Variants in LRRC7 observed in about 807,000 individuals in gnomAD.
LRRC7 encodes the protein leucine rich repeat containing 7.
A neutral mutation model predicts 175.7 loss-of-function variants in LRRC7; 23 were observed. The ratio of observed to expected loss-of-function variants is 0.13; its 90% CI spans 0.09 to 0.19. LRRC7 has a LOEUF of 0.19. Ranked by LOEUF, LRRC7 falls within the 10% of genes least tolerant of loss-of-function variation. The pLI is 1.00. For missense variants in LRRC7, 1,354 were observed against 1,904.7 expected, an observed-to-expected ratio of 0.71 and a Z score of 5.38; for synonymous variants, 685 against 680.9, an observed-to-expected ratio of 1.01 and a Z score of -0.09.
chr1:70,074,789 C>T (rs895939299), intron 23 of LRRC7, among the ~76,000 whole-genome samples: 1 of 151,994 alleles, frequency 6.6e-6, no homozygotes, highest in African/African-American at 2.4e-5. Context: ...GTTTGGAATC[C>T]AGCAATATAT....
At chr1:69,624,092 G>A (rs1191856623) in intron 1 of LRRC7, among the ~76,000 whole-genome samples, 1 of 152,066 alleles carries the variant, frequency 6.6e-6, no homozygotes, top group South Asian at 2.1e-4. Context: ...TCAACTCCAG[G>A]AGATGACGCC....
At chr1:69,962,909 A>G (rs559473693) in intron 8 of LRRC7, among the ~76,000 whole-genome samples, 26 of 152,220 alleles carry the variant, frequency 1.7e-4, no homozygotes, top group Admixed American at 1.0e-3. Context: ...AATAATCTGT[A>G]CAACAAGTGC....
intron 1 of LRRC7, among the ~76,000 whole-genome samples, chr1:69,577,153 C>T (rs1645986876): frequency 6.6e-6 from 1 of 152,160 alleles, no homozygotes; most frequent in East Asian, 1.9e-4. Flanking sequence ...AGATGATGTG[C>T]TTTTGTACTT....
intron 1 of LRRC7, among the ~76,000 whole-genome samples, chr1:69,597,843 T>C (rs983871479): frequency 6.6e-6 from 1 of 152,172 alleles, no homozygotes; most frequent in African/African-American, 2.4e-5. Context: ...TGCAATACCA[T>C]GCAGCAATAT....
chr1:69,879,608 T>A (rs1686395454), intron 7 of LRRC7: 1 of 152,662 alleles, frequency 6.6e-6, no homozygotes, highest in Admixed American at 6.5e-5. Context: ...GGGTGGCACA[T>A]GCCTGTAGTC....
intron 25 of LRRC7, among the ~76,000 whole-genome samples, chr1:70,095,080 T>C (rs935553975): frequency 6.6e-6 from 1 of 152,196 alleles, no homozygotes; most frequent in African/African-American, 2.4e-5. Flanking sequence ...TAAATTCATT[T>C]TGTAAGTAAT....
chr1:69,910,641 G>A (rs554084877), intron 7 of LRRC7, among the ~76,000 whole-genome samples: 6 of 152,270 alleles, frequency 3.9e-5, no homozygotes, highest in Non-Finnish European at 7.4e-5. Context: ...TAGGCTGCTC[G>A]GGGGTCAAGG....
chr1:70,127,953 T>G lies in LRRC7; in HGVS notation c.*6066T>G, dbSNP rs1432921160. Among the ~76,000 whole-genome samples, 1 of 152,116 alleles carries G rather than the reference T, an allele frequency of 6.6e-6. No homozygotes were observed. Among genetic ancestry groups the G allele is most frequent in the African/African-American group, 2.4e-5 (1 of 41,424 alleles). On this transcript the variant is annotated 3_prime_UTR_variant, in exon 27 of 27. Transcript: ENST00000651989. ...TTTGAAAAAAAGACTTTTATGTGAC[T>G]TTTTCTTTTCTTTCTTTTTTTTTCT...
At position 69,800,366 on chromosome 1, in the gene LRRC7, A is replaced by G. The variant is rs532938776; in HGVS notation, c.421+8206A>G. Reference sequence around the variant, plus strand: ...CATTTCAACAATATTAATTCTTCCAATCCAAGGGAGTGGAATGTTTTCCCA... The same window carrying G: ...CATTTCAACAATATTAATTCTTCCAGTCCAAGGGAGTGGAATGTTTTCCCA... On this transcript the variant is annotated intron_variant, in intron 4 of 26. Transcript: ENST00000651989. Among the ~76,000 whole-genome samples, 3 of 152,044 alleles carry G rather than the reference A, an allele frequency of 2.0e-5. No individual in the cohort carries two copies. The East Asian group carries it at 5.8e-4, about 29-fold the overall frequency.
intron 25 of LRRC7, among the ~76,000 whole-genome samples, chr1:70,094,969 G>A (rs555791748): frequency 1.3e-5 from 2 of 152,064 alleles, no homozygotes; most frequent in South Asian, 4.1e-4. Flanking sequence ...ACTCCATATA[G>A]CATAAGATGT....
chr1:69,879,234 AAAG>A (rs1211205704), intron 7 of LRRC7, among the ~76,000 whole-genome samples: 70 of 142,938 alleles, frequency 4.9e-4, no homozygotes, highest in African/African-American at 1.7e-3. Flanking sequence ...AAAAAAAAAA[AAAG>A]ACTGCGCACT....
intron 7 of LRRC7, among the ~76,000 whole-genome samples, chr1:69,890,194 T>G (rs1645791941): frequency 6.6e-6 from 1 of 152,244 alleles, no homozygotes; most frequent in Non-Finnish European, 1.5e-5. Context: ...AATCACTATC[T>G]GGCTCTACAA....
chr1:69,819,575 C>CTGTGTGTG lies in LRRC7; in HGVS notation c.422-6172_422-6171insGTGTGTGT, dbSNP rs1343426681. On this transcript the variant is annotated intron_variant, in intron 4 of 26. Transcript: ENST00000651989. Reference sequence around the variant, plus strand: ...GAATGCTCTCTCTCTCTCTCTCTCTCTCTGTGTGTGTGTGTGTGTGTGTGT... The same window carrying CTGTGTGTG: ...GAATGCTCTCTCTCTCTCTCTCTCTCTGTGTGTGTCTGTGTGTGTGTGTGTGTGTGTGT... 3.3e-3 allele frequency among the ~76,000 whole-genome samples: 434 copies of CTGTGTGTG among 133,234 alleles called. 3 individuals are homozygous for CTGTGTGTG. The highest frequency in any genetic ancestry group is 0.012 in the African/African-American group (392 of 32,012). 87.4% of individuals were successfully genotyped at this position (133,234 alleles called of 152,430 possible).
At chr1:69,899,388 A>T (rs1557865470) in intron 7 of LRRC7, among the ~76,000 whole-genome samples, 1 of 152,224 alleles carries the variant, frequency 6.6e-6, no homozygotes, top group Non-Finnish European at 1.5e-5. Context: ...GCCTCCTAAC[A>T]AGACTCCTGA....
rs556474988 is a variant in LRRC7 at position 69,760,845 on chromosome 1, A to G, written c.303+452A>G. Reference sequence around the variant, plus strand: ...ACACATTAATGCTATTATGAAAAACATGTTTTTGTACCTGTATGTAAAATA... The same window carrying G: ...ACACATTAATGCTATTATGAAAAACGTGTTTTTGTACCTGTATGTAAAATA... On this transcript the variant is annotated intron_variant, in intron 3 of 26. Coordinates refer to ENST00000651989, the MANE Select transcript of LRRC7 (RefSeq NM_001370785.2). Among the ~76,000 whole-genome samples the G allele has an allele frequency of 1.9e-3, 292 of 152,190 alleles. 1 individual carries two copies. The highest frequency in any genetic ancestry group is 3.0e-3 in the Non-Finnish European group (206 of 67,980).
At chr1:69,949,907 T>G (rs1223204702) in intron 8 of LRRC7, among the ~76,000 whole-genome samples, 3 of 152,178 alleles carry the variant, frequency 2.0e-5, no homozygotes, top group Non-Finnish European at 4.4e-5. Context: ...TCACAGGCGA[T>G]TGACACTGAT....
Position 69,717,792 on chromosome 1 carries a change from A to G in LRRC7, c.100+39314A>G, listed in dbSNP as rs1046808121. Among the ~76,000 whole-genome samples the G allele has an allele frequency of 3.3e-4, 10 of 29,958 alleles. 1 individual carries two copies. The South Asian group carries it at 4.6e-3, about 14-fold the overall frequency. The allele number at this position is 29,958 out of a possible 152,430, so 19.7% of individuals were successfully genotyped here. A position where few individuals can be genotyped will look rare whatever the true frequency, so the allele number is the denominator to read the frequency against. ...AAAAAAAGAAAGAAAGAAAGAAAGA[A>G]AGAAAGAAAGAAAGAAAGAAAGAAA... On this transcript the variant is annotated intron_variant, in intron 2 of 26. Transcript: ENST00000651989.
intron 1 of LRRC7, among the ~76,000 whole-genome samples, chr1:69,662,961 A>G (rs1443413129): frequency 6.6e-6 from 1 of 152,178 alleles, no homozygotes; most frequent in Non-Finnish European, 1.5e-5. Flanking sequence ...AAATAAGGAA[A>G]TCTAGAATTC....
At chr1:69,774,856 G>C (rs1013119005) in intron 3 of LRRC7, among the ~76,000 whole-genome samples, 1 of 150,794 alleles carries the variant, frequency 6.6e-6, no homozygotes, top group Non-Finnish European at 1.5e-5. Context: ...ATAAATACAC[G>C]ATCTCTACAA....
Sources: gnomAD v4.1 joint callset for allele counts (sites outside exome capture counted in the v4.1 genomes callset) on GRCh38, gnomAD v4.1.1 for gene constraint, MANE v1.5 for transcripts, NCBI Gene and HGNC (gene_info 2026-07-23, HGNC 2026-07-21) for gene names.